DLG2: variants seen among roughly 807,000 people sequenced by gnomAD.
DLG2 encodes disks large homolog 2.
DLG2 carries 45 observed loss-of-function variants against 132.5 expected under a neutral mutation model. That is an observed-to-expected ratio of 0.34 (90% CI 0.27 to 0.44). The LOEUF is 0.44. Ranked by LOEUF, DLG2 falls within the 20% of genes least tolerant of loss-of-function variation. The pLI is 1.00. For synonymous variants in DLG2, 424 were observed against 419.6 expected (o/e 1.01, Z -0.13); for missense variants, 1,045 against 1,196.9 (o/e 0.87, Z 1.87).
intron 9 of DLG2, among the ~76,000 whole-genome samples, chr11:84,161,109 T>C (rs2095536752): frequency 6.6e-6 from 1 of 152,206 alleles, no homozygotes; most frequent in Non-Finnish European, 1.5e-5. Flanking sequence ...CCATATCCAG[T>C]TGCTGAGGCA....
chr11:85,281,527 A>G (rs892488598), intron 4 of DLG2, among the ~76,000 whole-genome samples: 2 of 152,026 alleles, frequency 1.3e-5, no homozygotes, highest in Admixed American at 1.3e-4. Flanking sequence ...TAACAACAGG[A>G]TATTCTGTAT....
intron 8 of DLG2, among the ~76,000 whole-genome samples, chr11:84,167,570 T>C (rs1162073333): frequency 6.6e-6 from 1 of 152,220 alleles, no homozygotes; most frequent in African/African-American, 2.4e-5. Context: ...GTTGTTTCAT[T>C]GGAATCTTAA....
chr11:83,763,889 T>C (rs1421965324), intron 18 of DLG2, among the ~76,000 whole-genome samples: 2 of 152,218 alleles, frequency 1.3e-5, no homozygotes, highest in Non-Finnish European at 2.9e-5. Context: ...TTAACTCATT[T>C]TAAAAATATT....
At chr11:85,474,864 A>G (rs1458176876) in intron 3 of DLG2, among the ~76,000 whole-genome samples, 1 of 151,654 alleles carries the variant, frequency 6.6e-6, no homozygotes, top group Non-Finnish European at 1.5e-5. Flanking sequence ...TTAGAGTAGT[A>G]TTAGTAAAAA....
At chr11:84,170,220 T>C (rs1412438125) in intron 8 of DLG2, among the ~76,000 whole-genome samples, 1 of 152,226 alleles carries the variant, frequency 6.6e-6, no homozygotes, top group Non-Finnish European at 1.5e-5. Context: ...ACAGCTGCCC[T>C]TTCCTGTGAA....
At chr11:83,539,696 T>C (rs943683125) in intron 20 of DLG2, among the ~76,000 whole-genome samples, 3 of 151,392 alleles carry the variant, frequency 2.0e-5, no homozygotes, top group African/African-American at 4.8e-5. Flanking sequence ...GCACCCTTCA[T>C]AAAAAGTAGA....
chr11:84,201,911 C>T (rs528309217), intron 8 of DLG2, among the ~76,000 whole-genome samples: 19 of 138,654 alleles, frequency 1.4e-4, no homozygotes, highest in Admixed American at 6.3e-4. Context: ...CTCCACCTCC[C>T]GGGTTCAAGC....
At chr11:83,578,073 T>C (rs375442210) in intron 19 of DLG2, among the ~76,000 whole-genome samples, 1 of 88,194 alleles carries the variant, frequency 1.1e-5, no homozygotes, top group Non-Finnish European at 2.2e-5. Flanking sequence ...TATATATATG[T>C]ATACACACAC....
At chr11:85,159,331 C>T (rs901926940) in intron 4 of DLG2, among the ~76,000 whole-genome samples, 1 of 152,208 alleles carries the variant, frequency 6.6e-6, no homozygotes, top group Non-Finnish European at 1.5e-5. Flanking sequence ...GACATACTTG[C>T]AAGCTGGCAG....
intron 7 of DLG2, among the ~76,000 whole-genome samples, chr11:84,367,464 T>G (rs1183185381): frequency 6.6e-6 from 1 of 152,248 alleles, no homozygotes; most frequent in East Asian, 1.9e-4. Context: ...GATGATTGTT[T>G]GAAGTCTCGA....
chr11:85,097,480 T>C lies in DLG2; in HGVS notation c.357+14181A>G, dbSNP rs559961199. Among the ~76,000 whole-genome samples the C allele has an allele frequency of 5.6e-4, 86 of 152,282 alleles. 1 individual carries two copies. The highest frequency in any genetic ancestry group is 1.7e-3 in the African/African-American group (72 of 41,556). ...TATTGAATTAATAAAGGAGGGAAGA[T>C]AGATGTATACACAGATTTGAATGAG... On this transcript the variant is annotated intron_variant, in intron 6 of 27. Coordinates refer to ENST00000376104, the MANE Select transcript of DLG2 (RefSeq NM_001142699.3).
intron 8 of DLG2, among the ~76,000 whole-genome samples, chr11:84,250,668 C>A (rs1377605319): frequency 1.3e-5 from 2 of 152,186 alleles, no homozygotes; most frequent in African/African-American, 4.8e-5. Context: ...TCTTCAAGAA[C>A]TTTTGCCATC....
intron 2 of DLG2, among the ~76,000 whole-genome samples, chr11:85,609,298 C>A (rs1201648409): frequency 6.6e-6 from 1 of 152,122 alleles, no homozygotes; most frequent in Non-Finnish European, 1.5e-5. Context: ...CAGGAGAAAG[C>A]TCCAAAAGCA....
chr11:84,267,338 G>C (rs890183326), intron 7 of DLG2, among the ~76,000 whole-genome samples: 1 of 152,204 alleles, frequency 6.6e-6, no homozygotes, highest in Admixed American at 6.5e-5. Context: ...TGGTTACTAG[G>C]CATAAGGAAA....
intron 6 of DLG2, chr11:84,800,488 T>A (rs981735901): frequency 1.3e-5 from 2 of 152,184 alleles, no homozygotes; most frequent in African/African-American, 4.8e-5. Context: ...TGACATTTTT[T>A]AAAATGACAA....
chr11:83,851,920 T>C (rs2059848613), intron 16 of DLG2, among the ~76,000 whole-genome samples: 1 of 128,524 alleles, frequency 7.8e-6, no homozygotes, highest in South Asian at 2.5e-4. Flanking sequence ...CTCCGTCTCT[T>C]AAAAAAAAAA....
At chr11:83,865,825 A>G (rs2062235485) in intron 16 of DLG2, among the ~76,000 whole-genome samples, 1 of 152,200 alleles carries the variant, frequency 6.6e-6, no homozygotes, top group African/African-American at 2.4e-5. Context: ...ACAGTGAGTC[A>G]ACCATGAGTC....
At chr11:85,613,647 A>C (rs185469912) in intron 2 of DLG2, among the ~76,000 whole-genome samples, 1 of 152,304 alleles carries the variant, frequency 6.6e-6, no homozygotes, top group Admixed American at 6.5e-5. Flanking sequence ...CACTTGGTAA[A>C]AACGGACCAA....
chr11:83,543,840 G>A (rs747343482), intron 19 of DLG2, among the ~76,000 whole-genome samples: 3 of 152,170 alleles, frequency 2.0e-5, no homozygotes, highest in South Asian at 2.1e-4. Flanking sequence ...TGAGACTGCT[G>A]TTCTTGCTTG....
Sources: gnomAD v4.1 joint callset for allele counts (sites outside exome capture counted in the v4.1 genomes callset) on GRCh38, gnomAD v4.1.1 for gene constraint, MANE v1.5 for transcripts, NCBI Gene and HGNC (gene_info 2026-07-23, HGNC 2026-07-21) for gene names.